RTKN: variants seen among roughly 807,000 people sequenced by gnomAD.
The protein encoded by RTKN is rhotekin.
In RTKN, 49 loss-of-function variants were observed where a neutral mutation model predicts 63.5. That is an observed-to-expected ratio of 0.77 (90% CI 0.61 to 0.98). The LOEUF (loss-of-function observed/expected upper bound fraction) is 0.98, where lower values mean the gene tolerates loss of function less well. Ranked by LOEUF, RTKN falls within the 50% of genes least tolerant of loss-of-function variation. The probability of loss-of-function intolerance (pLI) is 0.00; values close to 1 mark genes in which losing one functional copy is unlikely to be tolerated. For synonymous variants in RTKN, 295 were observed against 290.4 expected (o/e 1.02, Z -0.16); for missense variants, 685 against 740.8 (o/e 0.92, Z 0.87).
In RTKN at chr2:74,426,243, TCA is replaced by T; in HGVS notation, c.1690_1691del (p.Ter564ArgfsTer15). On this transcript the variant is annotated frameshift_variant and stop_lost, in exon 12 of 12. Coordinates refer to ENST00000272430, the MANE Select transcript of RTKN (RefSeq NM_001015055.2). LOFTEE classifies it high-confidence loss of function. ...QPRTWLQSPV[*>X] ...GATCCTATGCCAGCACCTTTCTCTC[TCA>T]CACTGGTGACTGGAGCCAAGTGCGA... 1 of 1,613,462 alleles carries T rather than the reference TCA, an allele frequency of 6.2e-7. No homozygotes were observed.
rs1313919758 is a variant in RTKN, at chr2:74,426,443, G to GC, written c.1491dup (p.Pro498AlafsTer34). On this transcript the variant is annotated frameshift_variant, in exon 12 of 12. Coordinates refer to ENST00000272430, the MANE Select transcript of RTKN (RefSeq NM_001015055.2). LOFTEE classifies it high-confidence loss of function. ...TCTGGGGCTGGGGCCACTGAGGCAG[G>GC]CGAGCAGGGGTTAGGCAGGGCAGGC... is the stretch of plus-strand genomic sequence containing the variant. 1 of 1,612,408 alleles carries GC rather than the reference G, an allele frequency of 6.2e-7. No individual in the cohort carries two copies. Among genetic ancestry groups the GC allele is most frequent in the Admixed American group, 1.7e-5 (1 of 59,916 alleles).
At chr2:74,431,172 C>A (rs1670732182) in intron 2 of RTKN, among the ~76,000 whole-genome samples, 3 of 151,828 alleles carry the variant, frequency 2.0e-5, no homozygotes, top group Admixed American at 1.3e-4. Context: ...AACATTTGTT[C>A]AAAGGAAAAT....
rs1266903360 is a variant in RTKN, at chr2:74,429,963, G to A, written c.620C>T (p.Thr207Ile). ...GACVEEEGAL[T>I]GGPKRLATKL... ...GGTGGCAAGCCTCTTGGGGCCGCCA[G>A]TCAGGGCCCCCTCTTCTTCCACACA... Residue 207 changes from threonine to isoleucine, a missense_variant, in exon 6 of 12, where the codon ACT becomes ATT. Transcript: ENST00000272430. The A allele has an allele frequency of 1.2e-6, 2 of 1,614,260 alleles. No individual in the cohort carries two copies. Among genetic ancestry groups the A allele is most frequent in the South Asian group, 2.2e-5 (2 of 91,080 alleles).
chr2:74,428,636 C>T lies in RTKN; in HGVS notation c.952G>A (p.Val318Met), dbSNP rs1396931308. 3.1e-6 allele frequency: 5 copies of T among 1,612,982 alleles called. No individual in the cohort carries two copies. In the African/African-American group the frequency reaches 6.7e-5, roughly 22 times the overall value. Residue 318 changes from valine (V) to methionine (M), a missense_variant, in exon 8 of 12, where the codon GTG (valine) becomes ATG (methionine). Coordinates refer to ENST00000272430, the MANE Select transcript of RTKN (RefSeq NM_001015055.2). ...TQPTASGTLR[V>M]QQAGEMQNWA... ...ACTCCTCAGGGCCCCCTCACCTGCA[C>T]CCTGAGGGTACCACTTGCAGTGGGC...
intron 6 of RTKN, among the ~76,000 whole-genome samples, chr2:74,429,523 G>A (rs113678911): frequency 6.6e-6 from 1 of 152,106 alleles, no homozygotes; most frequent in Admixed American, 6.5e-5. Context: ...CCAGGAGTTC[G>A]AGACTAGCCT....
Position 74,430,008 on chromosome 2 carries a change from C to CTGTATGTTAGAACTGTAT in RTKN, c.574_575insATACAGTTCTAACATACA (p.Leu191_Arg192insHisThrValLeuThrTyr). 6.2e-7 allele frequency: 1 copy of CTGTATGTTAGAACTGTAT among 1,614,248 alleles called. No individual in the cohort carries two copies. The highest frequency in any genetic ancestry group is 2.2e-5 in the East Asian group (1 of 44,882). On this transcript the variant is annotated inframe_insertion, in exon 6 of 12. Coordinates refer to ENST00000272430, the MANE Select transcript of RTKN (RefSeq NM_001015055.2). ...CACACAGGCCCCATACAGCTCTAAC[C>CTGTATGTTAGAACTGTAT]GCAGTTCAAAGTCTGGCCCCGCCTC...
At chr2:74,437,738 A>G (rs1243835040) in intron 1 of RTKN, among the ~76,000 whole-genome samples, 1 of 152,246 alleles carries the variant, frequency 6.6e-6, no homozygotes, top group Admixed American at 6.5e-5. Flanking sequence ...GCAGAGGACT[A>G]TGAATGGCAA....
intron 1 of RTKN, among the ~76,000 whole-genome samples, chr2:74,433,745 G>A (rs1465749913): frequency 3.9e-5 from 6 of 151,962 alleles, no homozygotes; most frequent in Admixed American, 6.6e-5. Flanking sequence ...CGCCCACCTC[G>A]GCCTCCCAAA....
intron 8 of RTKN, 34 bp downstream of exon 8, chr2:74,428,597 C>G (rs1670552010): frequency 6.3e-7 from 1 of 1,585,360 alleles, no homozygotes; most frequent in South Asian, 1.1e-5. Flanking sequence ...TCTGCCTTCT[C>G]CCTGCTCCCT....
At chr2:74,437,323 T>C (rs182390962) in intron 1 of RTKN, among the ~76,000 whole-genome samples, 31 of 152,336 alleles carry the variant, frequency 2.0e-4, no homozygotes, top group African/African-American at 7.5e-4. Flanking sequence ...GAAAGTCTTC[T>C]TGGATTTACT....
rs993412501 is a variant in RTKN, at chr2:74,426,125, A to C, written c.*118T>G. The C allele has an allele frequency of 6.6e-6, 6 of 906,966 alleles. No individual in the cohort carries two copies. Among genetic ancestry groups the C allele is most frequent in the Non-Finnish European group, 6.9e-6 (4 of 578,772 alleles). The allele number at this position is 906,966 out of a possible 1,614,324, so 56.2% of individuals were successfully genotyped here. On this transcript the variant is annotated 3_prime_UTR_variant, in exon 12 of 12. Coordinates refer to ENST00000272430, the MANE Select transcript of RTKN (RefSeq NM_001015055.2). ...CACCCCTGCAGCCTACCCCAGGTCC[A>C]GCAGAGGAACAGGAGGCCAGACTGG...
At position 74,430,733 on chromosome 2, in the gene RTKN, C is replaced by G. The variant is rs191161504; in HGVS notation, c.312-56G>C. On this transcript the variant is annotated intron_variant, in intron 2 of 11. Coordinates refer to ENST00000272430, the MANE Select transcript of RTKN (RefSeq NM_001015055.2). ...CCTCTAGCCACTATTCCCCCTTGCTCTGGTCCCAACGACTCTAGGATCCCC... is the reference window on the plus strand; with the variant it reads ...CCTCTAGCCACTATTCCCCCTTGCTGTGGTCCCAACGACTCTAGGATCCCC... 13,711 of 1,529,220 alleles carry G rather than the reference C, an allele frequency of 9.0e-3. 69 individuals carry two copies. Among genetic ancestry groups the G allele is most frequent in the Non-Finnish European group, 0.011 (12,419 of 1,123,710 alleles). 94.7% of individuals were successfully genotyped at this position (1,529,220 alleles called of 1,614,324 possible).
Position 74,428,364 on chromosome 2 carries a change from C to T in RTKN, c.990G>A (p.Val330=). The T allele has an allele frequency of 1.9e-6, 3 of 1,614,160 alleles. No individual in the cohort carries two copies. The highest frequency in any genetic ancestry group is 2.5e-6 in the Non-Finnish European group (3 of 1,180,014). The stretch of plus-strand genomic sequence containing the variant: ...GGTTTGTGCCTTTCAGAACTCCATG[C>T]ACTTGTGCCCAGTTCTGCATCTCCC... ...QAGEMQNWAQ[V]HGVLKGTNLF... Residue 330 remains valine, a synonymous_variant, in exon 9 of 12, where the codon GTG becomes GTA. Coordinates refer to ENST00000272430, the MANE Select transcript of RTKN (RefSeq NM_001015055.2).
chr2:74,426,626 C>A, intron 11 of RTKN, 52 bp from the exon 12 acceptor site: 1 of 1,503,494 alleles, frequency 6.7e-7, no homozygotes. Context: ...AGAGCTCAGG[C>A]CCCAAGCCTA....
At chr2:74,426,698 T>C (rs1001713983) in intron 11 of RTKN, 124 bp from the exon 12 acceptor site, 1 of 1,406,080 alleles carries the variant, frequency 7.1e-7, no homozygotes, top group African/African-American at 1.5e-5. Flanking sequence ...CAGTGGAGAT[T>C]GCGTTATCCT....
intron 6 of RTKN, 110 bp from the exon 7 acceptor site, chr2:74,429,052 C>T (rs772229577): frequency 1.1e-5 from 9 of 809,494 alleles, no homozygotes; most frequent in Admixed American, 8.1e-5. Flanking sequence ...ACAGAAAACT[C>T]GCTTGCCTCC....
chr2:74,434,185 T>C (rs1211189451), intron 1 of RTKN, among the ~76,000 whole-genome samples: 1 of 151,688 alleles, frequency 6.6e-6, no homozygotes, highest in Non-Finnish European at 1.5e-5. Flanking sequence ...TCACTGCAAC[T>C]TCCACCTTCC....
Position 74,426,136 on chromosome 2 carries a change from A to G in RTKN, c.*107T>C. ...CCTACCCCAGGTCCAGCAGAGGAACAGGAGGCCAGACTGGCCAACTTGCTA... is the reference window on the plus strand; with the variant it reads ...CCTACCCCAGGTCCAGCAGAGGAACGGGAGGCCAGACTGGCCAACTTGCTA... On this transcript the variant is annotated 3_prime_UTR_variant, in exon 12 of 12. Coordinates refer to ENST00000272430, the MANE Select transcript of RTKN (RefSeq NM_001015055.2). The G allele has an allele frequency of 1.0e-6, 1 of 982,242 alleles. No individual in the cohort carries two copies. Among genetic ancestry groups the G allele is most frequent in the Non-Finnish European group, 1.6e-6 (1 of 643,952 alleles). The allele number at this position is 982,242 out of a possible 1,614,324, so 60.8% of individuals were successfully genotyped here. A position where few individuals can be genotyped will look rare whatever the true frequency, so the allele number is the denominator to read the frequency against.
At position 74,426,249 on chromosome 2, in the gene RTKN, T is replaced by C. The variant is rs1206023278; in HGVS notation, c.1686A>G (p.Pro562=). The C allele has an allele frequency of 5.6e-6, 9 of 1,613,626 alleles. No individual in the cohort carries two copies. The African/African-American group carries it at 9.3e-5, about 17-fold the overall frequency. The change falls in exon 12 of 12, where the codon CCA becomes CCG. Residue 562 remains proline (P), a synonymous_variant. Coordinates refer to ENST00000272430, the MANE Select transcript of RTKN (RefSeq NM_001015055.2). The part of the protein sequence containing the change: ...KGQPRTWLQS[P]V ...ATGCCAGCACCTTTCTCTCTCACAC[T>C]GGTGACTGGAGCCAAGTGCGAGGTT...
Sources: gnomAD v4.1 joint callset for allele counts (sites outside exome capture counted in the v4.1 genomes callset) on GRCh38, gnomAD v4.1.1 for gene constraint, MANE v1.5 for transcripts, NCBI Gene and HGNC (gene_info 2026-07-23, HGNC 2026-07-21) for gene names.